Variants in TMTC1 observed in about 807,000 individuals in gnomAD.
TMTC1 encodes transmembrane O-mannosyltransferase targeting cadherins 1.
TMTC1 carries 73 observed loss-of-function variants against 104.8 expected under a neutral mutation model. That is an observed-to-expected ratio of 0.70 (90% CI 0.58 to 0.85). The LOEUF (loss-of-function observed/expected upper bound fraction) is 0.85, where lower values mean the gene tolerates loss of function less well. TMTC1 is among the 40% of genes least tolerant of loss of function. The pLI, the probability that TMTC1 is intolerant of heterozygous loss-of-function variation, is 0.00. For missense variants in TMTC1, 1,035 were observed against 1,096.1 expected (o/e 0.94, Z 0.79); for synonymous variants, 434 against 428.7 (o/e 1.01, Z -0.15).
At chr12:29,675,116 C>A (rs895981925) in intron 5 of TMTC1, among the ~76,000 whole-genome samples, 1 of 152,140 alleles carries the variant, frequency 6.6e-6, no homozygotes, top group Non-Finnish European at 1.5e-5. Flanking sequence ...GTTTCCCTTG[C>A]AGATTCAGCA....
chr12:29,650,643 C>T (rs1210804495), intron 5 of TMTC1, among the ~76,000 whole-genome samples: 1 of 152,160 alleles, frequency 6.6e-6, no homozygotes, highest in Non-Finnish European at 1.5e-5. Flanking sequence ...ACTAAGTGTA[C>T]AGACTAGAAG....
At chr12:29,720,129 T>C (rs1390200513) in intron 5 of TMTC1, among the ~76,000 whole-genome samples, 1 of 152,234 alleles carries the variant, frequency 6.6e-6, no homozygotes, top group East Asian at 1.9e-4. Flanking sequence ...TGTTAGGTCA[T>C]AATGCTATCA....
intron 5 of TMTC1, among the ~76,000 whole-genome samples, chr12:29,641,435 G>C (rs772945127): frequency 6.6e-6 from 1 of 152,114 alleles, no homozygotes; most frequent in Non-Finnish European, 1.5e-5. Context: ...GACAACCCCT[G>C]GTACTAGCCC....
chr12:29,565,828 C>T (rs1289958818), intron 9 of TMTC1, among the ~76,000 whole-genome samples: 1 of 152,184 alleles, frequency 6.6e-6, no homozygotes, highest in Non-Finnish European at 1.5e-5. Context: ...GCTTGGGCAA[C>T]AGGAGTGAGA....
chr12:29,657,979 G>A (rs1939836670), intron 5 of TMTC1, among the ~76,000 whole-genome samples: 1 of 152,090 alleles, frequency 6.6e-6, no homozygotes, highest in South Asian at 2.1e-4. Context: ...TGTAGTCCCA[G>A]CTGCTTGGGA....
At chr12:29,521,562 CTTTCTTT>C (rs1944161459) in intron 11 of TMTC1, among the ~76,000 whole-genome samples, 1 of 99,014 alleles carries the variant, frequency 1.0e-5, no homozygotes, top group Admixed American at 1.1e-4. Context: ...CTTTTTCTTT[CTTTCTTT>C]TTTTTTTTTT....
chr12:29,677,374 C>T (rs1412742662), intron 5 of TMTC1, among the ~76,000 whole-genome samples: 2 of 152,126 alleles, frequency 1.3e-5, no homozygotes, highest in Non-Finnish European at 1.5e-5. Context: ...TATTTCCATA[C>T]ATAAAATATG....
intron 9 of TMTC1, among the ~76,000 whole-genome samples, chr12:29,568,239 T>C: frequency 6.6e-6 from 1 of 152,144 alleles, no homozygotes; most frequent in East Asian, 1.9e-4. Flanking sequence ...CAATACAAAA[T>C]TTAGTTACAC....
intron 5 of TMTC1, among the ~76,000 whole-genome samples, chr12:29,687,964 A>C (rs1206301189): frequency 6.6e-6 from 1 of 152,180 alleles, no homozygotes; most frequent in African/African-American, 2.4e-5. Context: ...ATATAGTTAC[A>C]TTGGAGGTCA....
chr12:29,753,983 C>T (rs1943152999), intron 4 of TMTC1, among the ~76,000 whole-genome samples: 1 of 152,198 alleles, frequency 6.6e-6, no homozygotes, highest in African/African-American at 2.4e-5. Context: ...TCTCCTTCCT[C>T]AGCCTCCCGA....
intron 5 of TMTC1, among the ~76,000 whole-genome samples, chr12:29,656,423 C>T (rs531955059): frequency 2.7e-5 from 4 of 148,342 alleles, no homozygotes; most frequent in Admixed American, 1.4e-4. Flanking sequence ...GGTGCAATCT[C>T]GGCTCACTGC....
Position 29,503,968 on chromosome 12 carries a change from C to T in TMTC1, c.*2878G>A, listed in dbSNP as rs946248926. 3.9e-5 allele frequency: 6 copies of T among 152,138 alleles called. No individual in the cohort carries two copies. The highest frequency in any genetic ancestry group is 9.7e-5 in the African/African-American group (4 of 41,422). 9.4% of individuals were successfully genotyped at this position (152,138 alleles called of 1,614,324 possible). On this transcript the variant is annotated 3_prime_UTR_variant, in exon 18 of 18. Transcript: ENST00000539277. ...ACATGCTGGCATATGCCTGTAGTCT[C>T]GGTTACTTGGGAGGCTGAGGTGGGA...
rs202226108 is a variant in TMTC1 at position 29,514,568 on chromosome 12, G to A, written c.2344C>T (p.Pro782Ser). 9.3e-6 allele frequency: 15 copies of A among 1,614,034 alleles called. No individual in the cohort carries two copies. Among genetic ancestry groups the A allele is most frequent in the Non-Finnish European group, 1.2e-5 (14 of 1,179,962 alleles). Residue 782 changes from proline to serine, a missense_variant, in exon 16 of 18, where the codon CCA (proline) becomes TCA (serine). Coordinates refer to ENST00000539277, the MANE Select transcript of TMTC1 (RefSeq NM_001193451.2). The stretch of plus-strand genomic sequence containing the variant: ...TCAGAAATGACTTTTGGGTCCTTTG[G>A]TTTCAGCTGGAGAGCCTTGTCTATA... Reference protein sequence around the residue: ...DAIDKALQLKPKDPKVISELF... With the variant: ...DAIDKALQLKSKDPKVISELF...
intron 5 of TMTC1, among the ~76,000 whole-genome samples, chr12:29,674,593 G>A (rs760949887): frequency 1.3e-5 from 2 of 152,164 alleles, no homozygotes; most frequent in East Asian, 1.9e-4. Context: ...TCTTGCTGAC[G>A]GGACTCCTTT....
chr12:29,643,719 T>TTTATAATAAATATATATATTTATTATA, intron 5 of TMTC1, among the ~76,000 whole-genome samples: 28 of 1,440 alleles, frequency 0.019, 7 homozygotes, highest in Non-Finnish European at 0.022. Context: ...ATATATATAA[T>TTTATAATAAATATATATATTTATTATA]ATATAAATAT....
chr12:29,760,039 T>C (rs1266963460), intron 2 of TMTC1, among the ~76,000 whole-genome samples: 1 of 152,188 alleles, frequency 6.6e-6, no homozygotes, highest in Non-Finnish European at 1.5e-5. Context: ...ATGTTTGATA[T>C]GTTTAGATAC....
chr12:29,507,986 C>G (rs1286847483), intron 17 of TMTC1, among the ~76,000 whole-genome samples: 2 of 152,170 alleles, frequency 1.3e-5, no homozygotes, highest in African/African-American at 2.4e-5. Context: ...CATGTAGCAA[C>G]AAACAACTAA....
chr12:29,744,981 A>G (rs1486659321), intron 5 of TMTC1, among the ~76,000 whole-genome samples: 1 of 152,004 alleles, frequency 6.6e-6, no homozygotes, highest in African/African-American at 2.4e-5. Context: ...GCTGGAGTGC[A>G]GTGGTGTGAT....
At chr12:29,613,189 T>A (rs1283333899) in intron 6 of TMTC1, among the ~76,000 whole-genome samples, 1 of 152,176 alleles carries the variant, frequency 6.6e-6, no homozygotes, top group Non-Finnish European at 1.5e-5. Flanking sequence ...GTGATGCTGC[T>A]CTAAGAGATA....
Sources: allele counts gnomAD v4.1 joint callset (sites outside exome capture counted in the v4.1 genomes callset), GRCh38; gene constraint gnomAD v4.1.1; transcripts MANE v1.5; gene names NCBI Gene and HGNC (gene_info 2026-07-23, HGNC 2026-07-21).